Variants in PPP4R3B observed in about 807,000 individuals in gnomAD.
PPP4R3B encodes serine/threonine-protein phosphatase 4 regulatory subunit 3B.
PPP4R3B carries 52 observed loss-of-function variants against 95.4 expected under a neutral mutation model. That is an observed-to-expected ratio of 0.54 (90% CI 0.44 to 0.69). The LOEUF (loss-of-function observed/expected upper bound fraction) is 0.69, where lower values mean the gene tolerates loss of function less well. PPP4R3B is among the 30% of genes least tolerant of loss of function. The pLI is 0.00. For missense variants in PPP4R3B, 1,003 were observed against 1,005.9 expected (o/e 1.00, Z 0.04); for synonymous variants, 407 against 343.9 (o/e 1.18, Z -2.03).
At chr2:55,599,499 G>T (rs1572695637) in intron 3 of PPP4R3B, among the ~76,000 whole-genome samples, 1 of 152,144 alleles carries the variant, frequency 6.6e-6, no homozygotes, top group East Asian at 1.9e-4. Context: ...TTCTCTTCCA[G>T]CTTGGTCCCT....
intron 7 of PPP4R3B, among the ~76,000 whole-genome samples, chr2:55,583,299 G>C (rs895330792): frequency 6.6e-6 from 1 of 151,752 alleles, no homozygotes; most frequent in Non-Finnish European, 1.5e-5. Context: ...AGGCAACACA[G>C]TTTTAAAAAT....
intron 4 of PPP4R3B, among the ~76,000 whole-genome samples, 188 bp from the exon 5 acceptor site, chr2:55,589,144 A>G (rs1035200098): frequency 1.3e-5 from 2 of 149,714 alleles, no homozygotes; most frequent in African/African-American, 4.9e-5. Flanking sequence ...TCTTGTTATA[A>G]ATACATCAAT....
At chr2:55,572,876 T>A (rs1461356612) in intron 12 of PPP4R3B, among the ~76,000 whole-genome samples, 1 of 152,136 alleles carries the variant, frequency 6.6e-6, no homozygotes, top group Non-Finnish European at 1.5e-5. Flanking sequence ...TACTCAGCTA[T>A]CTCCAGGAAT....
At chr2:55,588,130 T>G (rs1690417014) in intron 5 of PPP4R3B, among the ~76,000 whole-genome samples, 1 of 152,158 alleles carries the variant, frequency 6.6e-6, no homozygotes, top group African/African-American at 2.4e-5. Context: ...TCAAAGAAAA[T>G]GCTTACAATA....
chr2:55,553,096 T>A (rs1685432818), intron 16 of PPP4R3B, among the ~76,000 whole-genome samples: 1 of 152,124 alleles, frequency 6.6e-6, no homozygotes, highest in South Asian at 2.1e-4. Context: ...ACATAGAAAA[T>A]GACTCTATAA....
chr2:55,598,789 T>C lies in PPP4R3B; in HGVS notation c.548A>G (p.Glu183Gly). ...KKLLQLFQACENLENTEGLHH... is the reference protein window; with the variant it reads ...KKLLQLFQACGNLENTEGLHH... ...TAAGCCTTCAGTGTTTTCTAGGTTC[T>C]CGCAAGCTTGGAACAGCTGCAATAG... The change falls in exon 4 of 17, where the codon GAG becomes GGG. Residue 183 changes from glutamate (E) to glycine (G), a missense_variant. Transcript: ENST00000616407. 1 of 1,614,246 alleles carries C rather than the reference T, an allele frequency of 6.2e-7. No homozygotes were observed. Among genetic ancestry groups the C allele is most frequent in the Non-Finnish European group, 8.5e-7 (1 of 1,180,046 alleles).
intron 2 of PPP4R3B, among the ~76,000 whole-genome samples, chr2:55,605,012 G>C (rs758056655): frequency 4.6e-5 from 7 of 151,792 alleles, no homozygotes; most frequent in Admixed American, 1.3e-4. Flanking sequence ...CTAATTTTTC[G>C]TAGAGACAGG....
intron 4 of PPP4R3B, among the ~76,000 whole-genome samples, chr2:55,593,389 T>A (rs1691305617): frequency 6.6e-6 from 1 of 152,180 alleles, no homozygotes; most frequent in Non-Finnish European, 1.5e-5. Context: ...AAGCTAGGAT[T>A]TATGATAAGG....
At chr2:55,589,281 CTTAAT>C (rs1258017892) in intron 4 of PPP4R3B, among the ~76,000 whole-genome samples, 3 of 152,178 alleles carry the variant, frequency 2.0e-5, no homozygotes, top group Non-Finnish European at 2.9e-5. Context: ...TCTACTTACT[CTTAAT>C]TTAAACATAA....
intron 6 of PPP4R3B, 30 bp from the exon 7 acceptor site, chr2:55,585,197 G>C (rs1307765192): frequency 6.8e-7 from 1 of 1,475,066 alleles, no homozygotes; most frequent in Non-Finnish European, 9.2e-7. Context: ...GTTACTTAGA[G>C]ACTGTTAACA....
At chr2:55,579,581 T>C in intron 9 of PPP4R3B, 98 bp downstream of exon 9, 1 of 698,720 alleles carries the variant, frequency 1.4e-6, no homozygotes, top group Non-Finnish European at 2.2e-6. Flanking sequence ...GTAATCTCCC[T>C]GTCTTATAAA....
intron 4 of PPP4R3B, among the ~76,000 whole-genome samples, chr2:55,597,623 A>ACAAAC (rs1553478238): frequency 1.8e-4 from 27 of 149,004 alleles, no homozygotes; most frequent in Middle Eastern, 6.8e-3. Context: ...CTCCGTCTCA[A>ACAAAC]AAACAAACAA....
chr2:55,558,666 C>A, intron 16 of PPP4R3B, 109 bp downstream of exon 16: 1 of 777,062 alleles, frequency 1.3e-6, no homozygotes, highest in South Asian at 2.3e-5. Context: ...CAGAAAAATT[C>A]TAAACAATTC....
At chr2:55,593,979 A>T (rs1364386578) in intron 4 of PPP4R3B, among the ~76,000 whole-genome samples, 3 of 152,204 alleles carry the variant, frequency 2.0e-5, no homozygotes, top group Admixed American at 2.0e-4. Flanking sequence ...AATACAAATG[A>T]AATGTTAAAA....
intron 11 of PPP4R3B, among the ~76,000 whole-genome samples, chr2:55,575,224 G>T (rs1308462687): frequency 6.6e-6 from 1 of 152,068 alleles, no homozygotes; most frequent in African/African-American, 2.4e-5. Flanking sequence ...ACAGGCGTGA[G>T]CCACCACGCC....
rs1688285809 is a variant in PPP4R3B, at chr2:55,573,678, T to C, written c.1706A>G (p.Lys569Arg). 1.3e-6 allele frequency: 2 copies of C among 1,546,008 alleles called. No individual in the cohort carries two copies. The highest frequency in any genetic ancestry group is 1.7e-6 in the Non-Finnish European group (2 of 1,145,376). The change falls in exon 12 of 17, where the codon AAG becomes AGG. Residue 569 changes from lysine (K) to arginine (R), a missense_variant. By Grantham distance (26) the Lys-to-Arg change is conservative. Transcript: ENST00000616407. ...TYHIKNYIMN[K>R]DLLRRVLVLM... ...GACCAAGACTCTTCTTAGCAAGTCCTTGTTCATAATATAGTTTTTTATGTG... is the reference window on the plus strand; with the variant it reads ...GACCAAGACTCTTCTTAGCAAGTCCCTGTTCATAATATAGTTTTTTATGTG...
At chr2:55,593,744 T>C (rs1473582005) in intron 4 of PPP4R3B, among the ~76,000 whole-genome samples, 1 of 152,030 alleles carries the variant, frequency 6.6e-6, no homozygotes, top group Non-Finnish European at 1.5e-5. Flanking sequence ...CTACAAAAAA[T>C]AAAATAAAAT....
At chr2:55,580,206 C>T (rs1410372636) in intron 8 of PPP4R3B, among the ~76,000 whole-genome samples, 1 of 152,082 alleles carries the variant, frequency 6.6e-6, no homozygotes, top group Admixed American at 6.6e-5. Context: ...ATATTACTAA[C>T]AATGTATTAC....
chr2:55,566,629 T>TTC (rs1687324442), intron 13 of PPP4R3B, among the ~76,000 whole-genome samples: 1 of 152,202 alleles, frequency 6.6e-6, no homozygotes. Context: ...ATAATCTTCA[T>TTC]ATGAGAATAG....
Sources: allele counts gnomAD v4.1 joint callset (sites outside exome capture counted in the v4.1 genomes callset), GRCh38; gene constraint gnomAD v4.1.1; transcripts MANE v1.5; gene names NCBI Gene and HGNC (gene_info 2026-07-23, HGNC 2026-07-21).